The following KCNN2 variants were observed in gnomAD, a reference collection of about 807,000 sequenced individuals.
The protein encoded by KCNN2 is potassium calcium-activated channel subfamily N member 2.
A neutral mutation model predicts 55.5 loss-of-function variants in KCNN2; 24 were observed. That is an observed-to-expected ratio of 0.43 (90% CI 0.31 to 0.61). The LOEUF is 0.61. KCNN2 is among the 20% of genes least tolerant of loss of function. The probability of loss-of-function intolerance (pLI) is 0.08; values close to 1 mark genes in which losing one functional copy is unlikely to be tolerated. For synonymous variants in KCNN2, 431 were observed against 336.1 expected (o/e 1.28, Z -3.09); for missense variants, 754 against 853.6 (o/e 0.88, Z 1.45).
At chr5:114,271,954 C>G (rs1755347594) in intron 2 of KCNN2, among the ~76,000 whole-genome samples, 1 of 152,108 alleles carries the variant, frequency 6.6e-6, no homozygotes, top group South Asian at 2.1e-4. Flanking sequence ...GAATTAATAC[C>G]TGTAAAGCTC....
intron 7 of KCNN2, among the ~76,000 whole-genome samples, chr5:114,494,950 A>G (rs1470057211): frequency 6.6e-6 from 1 of 152,168 alleles, no homozygotes; most frequent in Non-Finnish European, 1.5e-5. Context: ...GACGGCTTAA[A>G]TAAAGGGATC....
At chr5:114,233,576 T>C (rs544412968) in intron 2 of KCNN2, among the ~76,000 whole-genome samples, 1 of 152,314 alleles carries the variant, frequency 6.6e-6, no homozygotes, top group Admixed American at 6.5e-5. Flanking sequence ...TTTTGGTCTT[T>C]TGTGGGAAAC....
chr5:114,397,426 G>C (rs1020016866), intron 2 of KCNN2, among the ~76,000 whole-genome samples: 3 of 152,022 alleles, frequency 2.0e-5, no homozygotes, highest in African/African-American at 7.2e-5. Context: ...TGCTCTTGTT[G>C]CCCAGGCTGG....
intron 2 of KCNN2, among the ~76,000 whole-genome samples, chr5:114,234,470 G>C (rs1355035031): frequency 6.6e-6 from 1 of 152,020 alleles, no homozygotes; most frequent in African/African-American, 2.4e-5. Context: ...ATTTTTCTTT[G>C]TTCTCAAGGG....
intron 1 of KCNN2, among the ~76,000 whole-genome samples, chr5:114,157,214 T>C (rs1752655118): frequency 6.7e-6 from 1 of 148,722 alleles, no homozygotes; most frequent in Non-Finnish European, 1.5e-5. Flanking sequence ...GTCCTTATGT[T>C]CTCATTGTTC....
intron 3 of KCNN2, 89 bp from the exon 4 acceptor site, chr5:114,462,959 AC>A: frequency 8.3e-7 from 1 of 1,211,972 alleles, no homozygotes; most frequent in Non-Finnish European, 1.2e-6. Flanking sequence ...TATAGAAGAT[AC>A]AGTAAATTCG....
At chr5:114,186,941 A>G (rs984165891) in intron 1 of KCNN2, among the ~76,000 whole-genome samples, 2 of 152,190 alleles carry the variant, frequency 1.3e-5, no homozygotes, top group East Asian at 1.9e-4. Context: ...ATACAGAGAT[A>G]AAAATCACGA....
chr5:114,182,176 T>C (rs955374886), intron 1 of KCNN2, among the ~76,000 whole-genome samples: 3 of 152,152 alleles, frequency 2.0e-5, no homozygotes, highest in Non-Finnish European at 2.9e-5. Flanking sequence ...TTTAGAATTA[T>C]CAATCTACTT....
chr5:114,451,251 C>T (rs1760661659), intron 3 of KCNN2, among the ~76,000 whole-genome samples: 1 of 152,190 alleles, frequency 6.6e-6, no homozygotes, highest in East Asian at 1.9e-4. Flanking sequence ...TTCTATCATT[C>T]CCTTTTCCAT....
chr5:114,427,368 G>C (rs1418385609), intron 3 of KCNN2, among the ~76,000 whole-genome samples: 1 of 152,230 alleles, frequency 6.6e-6, no homozygotes, highest in African/African-American at 2.4e-5. Flanking sequence ...TAGGACCTTG[G>C]ACCAACTGAG....
At chr5:114,158,255 T>G (rs1752684296) in intron 1 of KCNN2, among the ~76,000 whole-genome samples, 1 of 152,224 alleles carries the variant, frequency 6.6e-6, no homozygotes, top group South Asian at 2.1e-4. Flanking sequence ...ATTTGTTAAG[T>G]AGGGAATCCT....
At chr5:114,083,067 A>G (rs1750859700) in intron 1 of KCNN2, among the ~76,000 whole-genome samples, 1 of 152,190 alleles carries the variant, frequency 6.6e-6, no homozygotes, top group Non-Finnish European at 1.5e-5. Context: ...AAATTTTGTC[A>G]TATGTATTTT....
chr5:114,179,099 T>G (rs1753189282), intron 1 of KCNN2, among the ~76,000 whole-genome samples: 1 of 152,182 alleles, frequency 6.6e-6, no homozygotes, highest in African/African-American at 2.4e-5. Context: ...GGGCCCAAAC[T>G]CATCAGTTTA....
chr5:114,441,916 G>A (rs1329602441), intron 3 of KCNN2, among the ~76,000 whole-genome samples: 2 of 152,146 alleles, frequency 1.3e-5, no homozygotes, highest in Admixed American at 1.3e-4. Context: ...CTGCCAGTGA[G>A]TAGCCAAAAA....
At chr5:114,340,668 A>ATGTG (rs3070942) in intron 2 of KCNN2, among the ~76,000 whole-genome samples, 68 of 150,660 alleles carry the variant, frequency 4.5e-4, no homozygotes, top group South Asian at 3.3e-3. Context: ...GTGTGTGTGC[A>ATGTG]TGTGTGTGTG....
chr5:114,247,475 T>G (rs921642584), intron 2 of KCNN2, among the ~76,000 whole-genome samples: 17 of 151,966 alleles, frequency 1.1e-4, no homozygotes, highest in Admixed American at 8.5e-4. Context: ...GTCAGCAAAG[T>G]GCTGAAAATG....
At chr5:114,258,417 G>T (rs754051043) in intron 2 of KCNN2, among the ~76,000 whole-genome samples, 1 of 152,080 alleles carries the variant, frequency 6.6e-6, no homozygotes, top group Non-Finnish European at 1.5e-5. Flanking sequence ...TGGTAGGAAT[G>T]GTACCAGTTC....
At chr5:114,228,624 C>T (rs1754289507) in intron 2 of KCNN2, among the ~76,000 whole-genome samples, 1 of 151,982 alleles carries the variant, frequency 6.6e-6, no homozygotes, top group Non-Finnish European at 1.5e-5. Flanking sequence ...CACTAATATG[C>T]TTTATGTTTC....
At chr5:114,422,419 TG>T (rs1759498080) in intron 3 of KCNN2, among the ~76,000 whole-genome samples, 1 of 152,052 alleles carries the variant, frequency 6.6e-6, no homozygotes, top group African/African-American at 2.4e-5. Context: ...AACCATGAAA[TG>T]GGCCCTCACC....
Sources: allele counts gnomAD v4.1 joint callset (sites outside exome capture counted in the v4.1 genomes callset), GRCh38; gene constraint gnomAD v4.1.1; transcripts MANE v1.5; gene names NCBI Gene and HGNC (gene_info 2026-07-23, HGNC 2026-07-21).